LRP1B: variants seen among roughly 807,000 people sequenced by gnomAD.
The protein encoded by LRP1B is LDL receptor related protein 1B.
Under a neutral mutation model 556.6 loss-of-function variants are expected in LRP1B, and 217 were observed. The ratio of observed to expected loss-of-function variants is 0.39; its 90% CI spans 0.35 to 0.44. LRP1B has a LOEUF of 0.44. LRP1B is among the 20% of genes least tolerant of loss of function. The probability of loss-of-function intolerance (pLI) is 1.00; values close to 1 mark genes in which losing one functional copy is unlikely to be tolerated. For synonymous variants in LRP1B, 2,047 were observed against 1,865.8 expected, an observed-to-expected ratio of 1.10 and a Z score of -2.50; for missense variants, 5,053 against 5,620.8, an observed-to-expected ratio of 0.90 and a Z score of 3.23.
intron 2 of LRP1B, among the ~76,000 whole-genome samples, chr2:141,666,881 T>C (rs1461836331): frequency 6.6e-6 from 1 of 152,234 alleles, no homozygotes; most frequent in African/African-American, 2.4e-5. Context: ...TACAGTTTTC[T>C]TCATTAAACA....
intron 29 of LRP1B, among the ~76,000 whole-genome samples, chr2:140,849,405 AAATCC>A (rs1559155013): frequency 1.6e-4 from 2 of 12,152 alleles, no homozygotes; most frequent in Non-Finnish European, 5.4e-4. Flanking sequence ...ACAAAAAACA[AAATCC>A]AAAAAAAAAA....
chr2:142,010,982 A>G (rs1349251972), intron 1 of LRP1B, among the ~76,000 whole-genome samples: 1 of 152,220 alleles, frequency 6.6e-6, no homozygotes, highest in Non-Finnish European at 1.5e-5. Context: ...GGTTAAAATT[A>G]TTAAGTGAGT....
chr2:141,118,272 G>A lies in LRP1B; in HGVS notation c.1014-55999C>T, dbSNP rs375507233. 8.4e-4 allele frequency among the ~76,000 whole-genome samples: 127 copies of A among 151,818 alleles called. 1 individual carries two copies. Among genetic ancestry groups the A allele is most frequent in the Non-Finnish European group, 1.0e-3 (71 of 67,746 alleles). On this transcript the variant is annotated intron_variant, in intron 7 of 90. Coordinates refer to ENST00000389484, the MANE Select transcript of LRP1B (RefSeq NM_018557.3). ...AACAGCAGAAACAAAAACTCTTCTT[G>A]ATTTTTGTTTCAGGCAGTTATATTT...
rs114579635 is a variant in LRP1B at position 141,011,887 on chromosome 2, G to A, written c.2380+1669C>T. Among the ~76,000 whole-genome samples, 1,072 of 151,794 alleles carry A rather than the reference G, an allele frequency of 7.1e-3. 18 individuals are homozygous for A. The highest frequency in any genetic ancestry group is 0.024 in the African/African-American group (992 of 41,416). On this transcript the variant is annotated intron_variant, in intron 14 of 90. Coordinates refer to ENST00000389484, the MANE Select transcript of LRP1B (RefSeq NM_018557.3). Reference sequence around the variant, plus strand: ...TATTATTATGATACATTATTCCATCGAATATTTATTTAAAATGCCTATATG... The same window carrying A: ...TATTATTATGATACATTATTCCATCAAATATTTATTTAAAATGCCTATATG...
chr2:140,259,536 TGAAG>T (rs1177312099), intron 86 of LRP1B, among the ~76,000 whole-genome samples: 3 of 151,992 alleles, frequency 2.0e-5, no homozygotes, highest in African/African-American at 7.2e-5. Flanking sequence ...AATTTATTAA[TGAAG>T]GAAGATGTGC....
chr2:140,363,286 G>C (rs1682604898), intron 72 of LRP1B, among the ~76,000 whole-genome samples: 1 of 151,502 alleles, frequency 6.6e-6, no homozygotes, highest in Non-Finnish European at 1.5e-5. Flanking sequence ...ACGCAAAAAT[G>C]TTCAGACAGT....
chr2:141,101,390 C>T (rs1452662411), intron 7 of LRP1B, among the ~76,000 whole-genome samples: 1 of 151,996 alleles, frequency 6.6e-6, no homozygotes, highest in Non-Finnish European at 1.5e-5. Flanking sequence ...GTCTATTATA[C>T]TGAATAAAGG....
intron 2 of LRP1B, among the ~76,000 whole-genome samples, chr2:141,530,657 G>A (rs1684842098): frequency 6.6e-6 from 1 of 152,040 alleles, no homozygotes; most frequent in South Asian, 2.1e-4. Flanking sequence ...GAGATTAAGA[G>A]GGTAGGGAAG....
chr2:140,429,120 C>A (rs912099420), intron 66 of LRP1B, among the ~76,000 whole-genome samples: 1 of 151,940 alleles, frequency 6.6e-6, no homozygotes, highest in Non-Finnish European at 1.5e-5. Flanking sequence ...CCCTGCTCAA[C>A]GCCAATATCC....
At chr2:141,806,665 A>G (rs1250174330) in intron 2 of LRP1B, among the ~76,000 whole-genome samples, 1 of 152,018 alleles carries the variant, frequency 6.6e-6, no homozygotes, top group Non-Finnish European at 1.5e-5. Flanking sequence ...GGGCACAAAC[A>G]CACACAGAAG....
chr2:140,654,807 G>T (rs1455910738), intron 41 of LRP1B, among the ~76,000 whole-genome samples: 2 of 152,114 alleles, frequency 1.3e-5, no homozygotes, highest in Non-Finnish European at 2.9e-5. Flanking sequence ...ATCACAAAGG[G>T]TCTCTTACTA....
chr2:142,110,436 G>T (rs562853436), intron 1 of LRP1B, among the ~76,000 whole-genome samples: 1 of 152,038 alleles, frequency 6.6e-6, no homozygotes, highest in Admixed American at 6.6e-5. Flanking sequence ...TCAACATGGC[G>T]GTGGATCCTC....
chr2:141,566,004 G>T (rs1196049997), intron 2 of LRP1B, among the ~76,000 whole-genome samples: 1 of 151,812 alleles, frequency 6.6e-6, no homozygotes, highest in Non-Finnish European at 1.5e-5. Flanking sequence ...GTTGTAACTT[G>T]CCTAAAGGTG....
intron 1 of LRP1B, among the ~76,000 whole-genome samples, chr2:142,016,906 ATATGTATATATGTATATG>A (rs1441281396): frequency 7.4e-5 from 11 of 149,382 alleles, no homozygotes; most frequent in African/African-American, 4.9e-5. Context: ...ACACACACAT[ATATGTATATATGTATATG>A]TATGTATATA....
At chr2:141,359,371 T>C (rs1472223144) in intron 3 of LRP1B, among the ~76,000 whole-genome samples, 2 of 150,820 alleles carry the variant, frequency 1.3e-5, no homozygotes, top group African/African-American at 4.9e-5. Context: ...AATGAGAAAG[T>C]ACATACAGGA....
In LRP1B at chr2:140,325,856, A is replaced by G; in HGVS notation, c.12246T>C (p.Ser4082=). 6.2e-7 allele frequency: 1 copy of G among 1,612,530 alleles called. No individual in the cohort carries two copies. ...CAAAGTCAGCCCAATATATGCGTTC[A>G]CTAAAATAATCCACAGCCAAACCTG... ...RPTGLAVDYF[S]ERIYWADFEL... Residue 4082 remains serine, a synonymous_variant, in exon 80 of 91, where the codon AGT becomes AGC. Coordinates refer to ENST00000389484, the MANE Select transcript of LRP1B (RefSeq NM_018557.3).
At position 140,883,991 on chromosome 2, in the gene LRP1B, T is replaced by C. The variant is rs772688524; in HGVS notation, c.3995A>G (p.His1332Arg). ...GVSAIEVVVE[H>R]GLATPEGLTV... The stretch of plus-strand genomic sequence containing the variant: ...CAGGCCTTCTGGAGTAGCCAGGCCA[T>C]GCTCCACAACCACTTCAATGGCACT... The change falls in exon 25 of 91, where the codon CAT becomes CGT. Residue 1332 changes from histidine to arginine, a missense_variant. Around this residue, in one of 5 missense-constraint regions of LRP1B, gnomAD observed 3,619 missense variants for 3,931.9 expected, o/e 0.92. Transcript: ENST00000389484. 3.7e-6 allele frequency: 6 copies of C among 1,612,874 alleles called. No individual in the cohort carries two copies. Among genetic ancestry groups the C allele is most frequent in the Non-Finnish European group, 4.2e-6 (5 of 1,179,848 alleles).
intron 2 of LRP1B, among the ~76,000 whole-genome samples, chr2:141,543,302 G>A (rs113070307): frequency 5.4e-4 from 82 of 151,592 alleles, no homozygotes; most frequent in African/African-American, 1.9e-3. Flanking sequence ...GAGCCCAGAA[G>A]TTTGAGGCCA....
At chr2:141,650,173 G>T (rs1689732020) in intron 2 of LRP1B, among the ~76,000 whole-genome samples, 1 of 152,122 alleles carries the variant, frequency 6.6e-6, no homozygotes. Context: ...GAGCAAAGAG[G>T]AATGTCAATA....
Sources: gnomAD v4.1 joint callset for allele counts (sites outside exome capture counted in the v4.1 genomes callset) on GRCh38, gnomAD v4.1.1 for gene constraint, gnomAD v4.1.1 regional missense constraint, MANE v1.5 for transcripts, NCBI Gene and HGNC (gene_info 2026-07-23, HGNC 2026-07-21) for gene names.